Variants in MLH3 observed in about 807,000 individuals in gnomAD.
MLH3 encodes DNA mismatch repair protein Mlh3.
MLH3 carries 82 observed loss-of-function variants against 122.2 expected under a neutral mutation model. That is an observed-to-expected ratio of 0.67 (90% confidence interval 0.56 to 0.81). MLH3 has a LOEUF of 0.81. MLH3 is among the 30% of genes least tolerant of loss of function. MLH3 has a pLI of 0.00. For missense variants in MLH3, 1,539 were observed against 1,714.5 expected, an observed-to-expected ratio of 0.90 and a Z score of 1.81; for synonymous variants, 524 against 599.5, an observed-to-expected ratio of 0.87 and a Z score of 1.84.
At chr14:75,030,065 G>A (rs1022799480) in intron 9 of MLH3, among the ~76,000 whole-genome samples, 41 of 152,110 alleles carry the variant, frequency 2.7e-4, no homozygotes, top group Admixed American at 2.6e-3. Context: ...GAGGCAGGAA[G>A]ATTGCTTGTG....
At chr14:75,034,072 A>G (rs1207094469) in intron 6 of MLH3, among the ~76,000 whole-genome samples, 1 of 152,100 alleles carries the variant, frequency 6.6e-6, no homozygotes, top group Non-Finnish European at 1.5e-5. Context: ...ACGCGCCTGT[A>G]GTTCCAGCTA....
Position 75,046,721 on chromosome 14 carries a change from C to A in MLH3, c.2935G>T (p.Val979Phe), listed in dbSNP as rs1566602843. ...PLVLPYNNSK[V>F]TGKDSDVLIR... Reference sequence around the variant, plus strand: ...AGAACATCTGAATCTTTACCGGTAACTTTAGAATTATTATAGGGCAATACC... The same window carrying A: ...AGAACATCTGAATCTTTACCGGTAAATTTAGAATTATTATAGGGCAATACC... The change falls in exon 2 of 13, where the codon GTT becomes TTT. Residue 979 changes from valine (V) to phenylalanine (F), a missense_variant. Transcript: ENST00000355774. 2 of 1,614,126 alleles carry A rather than the reference C, an allele frequency of 1.2e-6. No individual in the cohort carries two copies. The highest frequency in any genetic ancestry group is 2.7e-5 in the African/African-American group (2 of 75,020).
chr14:75,044,038 G>A lies in MLH3; in HGVS notation c.3281-1561C>T, dbSNP rs1157206619. ...CAGAAGGCGGAGGTTGCAGTGAGCC[G>A]AGATCGCACCATTTCACTTTAGCCT... is the stretch of plus-strand genomic sequence containing the variant. On this transcript the variant is annotated intron_variant, in intron 2 of 12. Coordinates refer to ENST00000355774, the MANE Select transcript of MLH3 (RefSeq NM_001040108.2). Among the ~76,000 whole-genome samples the A allele has an allele frequency of 4.6e-5, 7 of 152,096 alleles. No individual in the cohort carries two copies. The East Asian group carries it at 5.8e-4, about 13-fold the overall frequency.
intron 6 of MLH3, among the ~76,000 whole-genome samples, chr14:75,037,727 A>G (rs909522973): frequency 7.9e-5 from 12 of 152,232 alleles, no homozygotes; most frequent in Non-Finnish European, 1.0e-4. Context: ...CAGAGGTGGA[A>G]GGATAGCTTA....
At chr14:75,025,670 A>G (rs1890581005) in intron 9 of MLH3, among the ~76,000 whole-genome samples, 1 of 152,044 alleles carries the variant, frequency 6.6e-6, no homozygotes, top group African/African-American at 2.4e-5. Flanking sequence ...TGATACTATC[A>G]ATATATATAT....
rs2139582713 is a variant in MLH3, at chr14:75,048,184, A to C, written c.1472T>G (p.Phe491Cys). Residue 491 changes from phenylalanine (F) to cysteine (C), a missense_variant, in exon 2 of 13, where the codon TTC (phenylalanine) becomes TGC (cysteine). By Grantham distance (205) the Phe-to-Cys change is radical. Transcript: ENST00000355774. Reference sequence around the variant, plus strand: ...ATTTTCTAAAGAGCTATGTTCCAGGAAAGATTTTTTATGTTTCTCATTTTC... The same window carrying C: ...ATTTTCTAAAGAGCTATGTTCCAGGCAAGATTTTTTATGTTTCTCATTTTC... Reference protein sequence around the residue: ...AGENEKHKKSFLEHSSLENPC... With the variant: ...AGENEKHKKSCLEHSSLENPC... 1 of 1,613,858 alleles carries C rather than the reference A, an allele frequency of 6.2e-7. No homozygotes were observed.
At chr14:75,045,604 G>A (rs764850838) in intron 2 of MLH3, among the ~76,000 whole-genome samples, 10 of 152,092 alleles carry the variant, frequency 6.6e-5, no homozygotes, top group Non-Finnish European at 1.3e-4. Flanking sequence ...TGGAAGCCAC[G>A]CAGAGAAACT....
At position 75,049,424 on chromosome 14, in the gene MLH3, A is replaced by G; in HGVS notation, c.232T>C (p.Cys78Arg). The change falls in exon 2 of 13, where the codon TGC becomes CGC. Residue 78 changes from cysteine to arginine, a missense_variant. Cys to Arg is a radical substitution (Grantham distance 180, BLOSUM62 -3). Coordinates refer to ENST00000355774, the MANE Select transcript of MLH3 (RefSeq NM_001040108.2). ...KVGNRYFTSKCHSVQDLENPR... is the reference protein window; with the variant it reads ...KVGNRYFTSKRHSVQDLENPR... ...TTCTCCAAGTCCTGTACCGAGTGGC[A>G]TTTACTGGTGAAATAACGATTTCCC... is the stretch of plus-strand genomic sequence containing the variant. 6.2e-7 allele frequency: 1 copy of G among 1,614,048 alleles called. No homozygotes were observed. Among genetic ancestry groups the G allele is most frequent in the Non-Finnish European group, 8.5e-7 (1 of 1,180,038 alleles).
At chr14:75,019,075 T>C in intron 11 of MLH3, 95 bp from the exon 12 acceptor site, 2 of 1,148,834 alleles carry the variant, frequency 1.7e-6, no homozygotes, top group Non-Finnish European at 2.6e-6. Flanking sequence ...AAAAGTAACA[T>C]GTTTCTTAGG....
intron 2 of MLH3, among the ~76,000 whole-genome samples, chr14:75,043,960 A>G (rs2139520550): frequency 6.6e-6 from 1 of 152,248 alleles, no homozygotes; most frequent in East Asian, 1.9e-4. Flanking sequence ...ATGGTGGCGC[A>G]TGCCTGTAAT....
chr14:75,032,173 T>C lies in MLH3; in HGVS notation c.3722A>G (p.Tyr1241Cys). Residue 1241 changes from tyrosine (Y) to cysteine (C), a missense_variant, in exon 8 of 13, where the codon TAC becomes TGC. By Grantham distance (194) the Tyr-to-Cys change is radical (BLOSUM62 -2). Coordinates refer to ENST00000355774, the MANE Select transcript of MLH3 (RefSeq NM_001040108.2). ...AGAGCCTTGTGCCTGTTGCTTCTCG[T>C]AGGAATCTATTGGCAGAAAGATGAA... ...IRLEQLIIDS[Y>C]EKQQAQGSGR... The C allele has an allele frequency of 1.2e-6, 2 of 1,603,642 alleles. No individual in the cohort carries two copies. The highest frequency in any genetic ancestry group is 1.7e-6 in the Non-Finnish European group (2 of 1,170,424).
At chr14:75,051,058 A>G (rs1161407073) in intron 1 of MLH3, 1 of 152,296 alleles carries the variant, frequency 6.6e-6, no homozygotes, top group East Asian at 1.9e-4. Flanking sequence ...ATTCCGATTA[A>G]TGTAAACCCA....
chr14:75,042,482 A>G lies in MLH3; in HGVS notation c.3281-5T>C, dbSNP rs914374735. On this transcript the variant is annotated splice_region_variant and splice_polypyrimidine_tract_variant and intron_variant, in intron 2 of 12. Coordinates refer to ENST00000355774, the MANE Select transcript of MLH3 (RefSeq NM_001040108.2). ...GTTGACACCTGTACTGAGACCCTAAATATAAGAAAGAAAAACCTAGAAATG... is the reference window on the plus strand; with the variant it reads ...GTTGACACCTGTACTGAGACCCTAAGTATAAGAAAGAAAAACCTAGAAATG... The G allele has an allele frequency of 6.2e-7, 1 of 1,608,026 alleles. No individual in the cohort carries two copies. The highest frequency in any genetic ancestry group is 1.3e-5 in the African/African-American group (1 of 74,828).
intron 8 of MLH3, among the ~76,000 whole-genome samples, chr14:75,031,496 C>T (rs1891045181): frequency 1.3e-5 from 2 of 152,178 alleles, no homozygotes; most frequent in East Asian, 3.8e-4. Context: ...AAACTCTATC[C>T]TATACTCTTC....
chr14:75,019,220 GCC>G, intron 11 of MLH3: 1 of 457,432 alleles, frequency 2.2e-6, no homozygotes, highest in Non-Finnish European at 4.0e-6. Flanking sequence ...GACCAGCCTG[GCC>G]AATATGGTGA....
At chr14:75,044,228 CTTCT>C (rs911410199) in intron 2 of MLH3, among the ~76,000 whole-genome samples, 1 of 152,152 alleles carries the variant, frequency 6.6e-6, no homozygotes, top group Admixed American at 6.5e-5. Context: ...GTTCATGGAA[CTTCT>C]TTCTATACCA....
At position 75,041,779 on chromosome 14, in the gene MLH3, C is replaced by T. The variant is rs533893536; in HGVS notation, c.3380-79G>A. ...GGAATGGCATTTCCTGTTTGGTGAGCCATAGCCTCAAGACCAAAGGTCACG... is the reference window on the plus strand; with the variant it reads ...GGAATGGCATTTCCTGTTTGGTGAGTCATAGCCTCAAGACCAAAGGTCACG... On this transcript the variant is annotated intron_variant, in intron 3 of 12. Coordinates refer to ENST00000355774, the MANE Select transcript of MLH3 (RefSeq NM_001040108.2). The T allele has an allele frequency of 1.9e-5, 19 of 1,004,936 alleles. No homozygotes were observed. In the Admixed American group the frequency reaches 3.1e-4, roughly 17 times the overall value. 62.3% of individuals were successfully genotyped at this position (1,004,936 alleles called of 1,614,324 possible).
Position 75,047,617 on chromosome 14 carries a change from C to A in MLH3, c.2039G>T (p.Ser680Ile). ...PNKKNCRTNI[S>I]YGLENEPTAT... ...TGTAGGTTCATTCTCTAGCCCATAACTTATATTCGTTCTGCAATTTTTTTT... is the reference window on the plus strand; with the variant it reads ...TGTAGGTTCATTCTCTAGCCCATAAATTATATTCGTTCTGCAATTTTTTTT... The change falls in exon 2 of 13, where the codon AGT becomes ATT. Residue 680 changes from serine (S) to isoleucine (I), a missense_variant. By Grantham distance (142) the Ser-to-Ile change is moderately radical. Coordinates refer to ENST00000355774, the MANE Select transcript of MLH3 (RefSeq NM_001040108.2). 6.2e-7 allele frequency: 1 copy of A among 1,614,012 alleles called. No homozygotes were observed. Among genetic ancestry groups the A allele is most frequent in the Non-Finnish European group, 8.5e-7 (1 of 1,179,980 alleles).
chr14:75,016,942 C>T lies in MLH3; in HGVS notation c.*140G>A. 1.1e-6 allele frequency: 1 copy of T among 920,878 alleles called. No homozygotes were observed. Among genetic ancestry groups the T allele is most frequent in the Non-Finnish European group, 1.8e-6 (1 of 562,496 alleles). 57.0% of individuals were successfully genotyped at this position (920,878 alleles called of 1,614,324 possible). A position where few individuals can be genotyped will look rare whatever the true frequency, so the allele number is the denominator to read the frequency against. ...ATCATCTGCTCAAGAAAGACTGATA[C>T]AGAGAGCCCTGCTGTCTAAGCTGCT... On this transcript the variant is annotated 3_prime_UTR_variant, in exon 13 of 13. Transcript: ENST00000355774.
Sources: allele counts gnomAD v4.1 joint callset (sites outside exome capture counted in the v4.1 genomes callset), GRCh38; gene constraint gnomAD v4.1.1; transcripts MANE v1.5; gene names NCBI Gene and HGNC (gene_info 2026-07-23, HGNC 2026-07-21).